The following TAFA1 variants were observed in gnomAD, a reference collection of about 807,000 sequenced individuals.
The protein encoded by TAFA1 is TAFA chemokine like family member 1, also known as chemokine-like protein TAFA-1.
A neutral mutation model predicts 18.5 loss-of-function variants in TAFA1; 4 were observed. The ratio of observed to expected loss-of-function variants is 0.22; its 90% CI spans 0.11 to 0.49. The LOEUF (loss-of-function observed/expected upper bound fraction) is 0.49. TAFA1 is among the 20% of genes least tolerant of loss of function. The pLI, the probability that TAFA1 is intolerant of heterozygous loss-of-function variation, is 0.98. For missense variants in TAFA1, 147 were observed against 169.0 expected (o/e 0.87, Z 0.72); for synonymous variants, 56 against 55.2 (o/e 1.01, Z -0.06).
At chr3:68,492,683 G>GA (rs1297605967) in intron 3 of TAFA1, among the ~76,000 whole-genome samples, 2 of 152,032 alleles carry the variant, frequency 1.3e-5, no homozygotes, top group Non-Finnish European at 2.9e-5. Context: ...TTATTTTGTA[G>GA]AAAAAAACAG....
chr3:68,466,684 T>G (rs540242050), intron 3 of TAFA1, among the ~76,000 whole-genome samples: 2 of 152,288 alleles, frequency 1.3e-5, no homozygotes, highest in Admixed American at 1.3e-4. Flanking sequence ...CGGACCCTAA[T>G]AGCCCCTGAT....
At chr3:68,262,746 AGT>A (rs66666330) in intron 2 of TAFA1, among the ~76,000 whole-genome samples, 12,688 of 151,932 alleles carry the variant, frequency 0.084, 661 homozygotes, top group Middle Eastern at 0.12. Context: ...TGAATTTATG[AGT>A]GTGTGTGTCT....
intron 3 of TAFA1, among the ~76,000 whole-genome samples, chr3:68,502,219 A>G (rs1326761813): frequency 6.6e-6 from 1 of 152,150 alleles, no homozygotes; most frequent in Non-Finnish European, 1.5e-5. Context: ...AGCAATTTAA[A>G]CATATTAAGT....
intron 3 of TAFA1, among the ~76,000 whole-genome samples, chr3:68,431,534 G>A (rs1034220556): frequency 1.3e-5 from 2 of 151,922 alleles, no homozygotes; most frequent in Non-Finnish European, 2.9e-5. Context: ...AGATGATAAG[G>A]GGCTTGCCCA....
intron 3 of TAFA1, among the ~76,000 whole-genome samples, chr3:68,480,277 C>T (rs909293018): frequency 1.3e-5 from 2 of 151,682 alleles, no homozygotes; most frequent in Middle Eastern, 3.2e-3. Flanking sequence ...TTGGCACTCA[C>T]CTGTAATCCC....
At chr3:68,334,143 C>A (rs2068929642) in intron 2 of TAFA1, among the ~76,000 whole-genome samples, 1 of 152,120 alleles carries the variant, frequency 6.6e-6, no homozygotes, top group Non-Finnish European at 1.5e-5. Flanking sequence ...AAATGGTAAG[C>A]TTATGACACA....
chr3:68,017,447 C>A (rs1704593836), intron 2 of TAFA1, among the ~76,000 whole-genome samples: 1 of 152,160 alleles, frequency 6.6e-6, no homozygotes, highest in Non-Finnish European at 1.5e-5. Flanking sequence ...TCACACAGAG[C>A]CTAGATGTGA....
chr3:68,425,988 A>T (rs547947108), intron 3 of TAFA1, among the ~76,000 whole-genome samples: 30 of 152,022 alleles, frequency 2.0e-4, no homozygotes, highest in African/African-American at 7.2e-4. Flanking sequence ...ATGTGGTAAC[A>T]AGCTCATACA....
At chr3:68,329,256 C>T (rs1330475463) in intron 2 of TAFA1, among the ~76,000 whole-genome samples, 6 of 112,302 alleles carry the variant, frequency 5.3e-5, no homozygotes, top group Non-Finnish European at 1.0e-4. Flanking sequence ...TTAGTAGAGA[C>T]GGGGTTTCAC....
chr3:68,094,541 G>C (rs1414239691), intron 2 of TAFA1, among the ~76,000 whole-genome samples: 2 of 152,154 alleles, frequency 1.3e-5, no homozygotes, highest in Non-Finnish European at 2.9e-5. Context: ...ATCTGAGAAA[G>C]TGAATTGTTA....
chr3:68,385,017 G>T (rs934183880), intron 2 of TAFA1, among the ~76,000 whole-genome samples: 5 of 151,844 alleles, frequency 3.3e-5, no homozygotes, highest in Admixed American at 6.6e-5. Flanking sequence ...TCATTGGCTT[G>T]TTGGATTATT....
chr3:68,349,202 G>T (rs576466530), intron 2 of TAFA1, among the ~76,000 whole-genome samples: 26 of 151,554 alleles, frequency 1.7e-4, no homozygotes, highest in East Asian at 3.9e-4. Context: ...TCAGGTTTTG[G>T]GGGGGTTTGG....
chr3:68,350,332 A>C (rs1406373033), intron 2 of TAFA1, among the ~76,000 whole-genome samples: 3 of 152,142 alleles, frequency 2.0e-5, no homozygotes. Flanking sequence ...TTCTTATTTA[A>C]TTATGTTATG....
At chr3:68,298,737 C>T (rs2068254886) in intron 2 of TAFA1, among the ~76,000 whole-genome samples, 1 of 152,216 alleles carries the variant, frequency 6.6e-6, no homozygotes, top group East Asian at 1.9e-4. Context: ...GAAGAAGATC[C>T]CTTGCTTCCC....
At chr3:68,011,310 T>G (rs1704466712) in intron 2 of TAFA1, among the ~76,000 whole-genome samples, 2 of 152,154 alleles carry the variant, frequency 1.3e-5, no homozygotes, top group Non-Finnish European at 2.9e-5. Flanking sequence ...TGCTATTTTA[T>G]CGACAGGGGT....
chr3:68,103,234 G>A (rs940115852), intron 2 of TAFA1, among the ~76,000 whole-genome samples: 2 of 152,196 alleles, frequency 1.3e-5, no homozygotes, highest in African/African-American at 4.8e-5. Context: ...AGGCAGATTT[G>A]GTTAGAACTG....
chr3:68,090,919 C>T (rs1376025392), intron 2 of TAFA1, among the ~76,000 whole-genome samples: 1 of 152,072 alleles, frequency 6.6e-6, no homozygotes, highest in African/African-American at 2.4e-5. Context: ...ACAAAACAAC[C>T]AGAATATTTA....
chr3:68,532,252 G>A (rs549447385), intron 3 of TAFA1, among the ~76,000 whole-genome samples: 7 of 152,294 alleles, frequency 4.6e-5, no homozygotes, highest in East Asian at 1.9e-4. Context: ...AGGAGGGGAG[G>A]TGGTGTCACT....
intron 2 of TAFA1, among the ~76,000 whole-genome samples, chr3:68,254,735 T>A (rs1013076276): frequency 3.3e-5 from 5 of 152,052 alleles, no homozygotes; most frequent in African/African-American, 1.2e-4. Flanking sequence ...AAGTCCCAGT[T>A]CTCTGAAAGT....
Sources: gnomAD v4.1 joint callset for allele counts (sites outside exome capture counted in the v4.1 genomes callset) on GRCh38, gnomAD v4.1.1 for gene constraint, MANE v1.5 for transcripts, NCBI Gene and HGNC (gene_info 2026-07-23, HGNC 2026-07-21) for gene names.